Variants in RNF220 observed in about 807,000 individuals in gnomAD.
The protein encoded by RNF220 is ring finger protein 220, also known as E3 ubiquitin-protein ligase RNF220.
Under a neutral mutation model 67.1 loss-of-function variants are expected in RNF220, and 7 were observed. The observed-to-expected ratio is 0.10, with a 90% confidence interval of 0.06 to 0.20. The LOEUF is 0.20. RNF220 is among the 10% of genes least tolerant of loss of function. The probability of loss-of-function intolerance (pLI) is 1.00; values close to 1 mark genes in which losing one functional copy is unlikely to be tolerated. For synonymous variants in RNF220, 270 were observed against 283.2 expected (o/e 0.95, Z 0.47); for missense variants, 565 against 740.3 (o/e 0.76, Z 2.75).
intron 2 of RNF220, among the ~76,000 whole-genome samples, chr1:44,564,990 C>G (rs1329230283): frequency 6.6e-6 from 1 of 151,542 alleles, no homozygotes; most frequent in Non-Finnish European, 1.5e-5. Flanking sequence ...CTCTTTATCC[C>G]CTGCACATAG....
At chr1:44,589,481 A>G (rs924531766) in intron 2 of RNF220, among the ~76,000 whole-genome samples, 4 of 152,098 alleles carry the variant, frequency 2.6e-5, no homozygotes, top group East Asian at 3.9e-4. Context: ...AAGCGTGGTG[A>G]CGGGCGCCTG....
rs1251651677 is a variant in RNF220, at chr1:44,622,884, C to T, written c.804+97C>T. Reference sequence around the variant, plus strand: ...GAAAAAGGAGCTTTTCTAGTATCCTCAACTATCTCCAGCTTTTCTAATATC... The same window carrying T: ...GAAAAAGGAGCTTTTCTAGTATCCTTAACTATCTCCAGCTTTTCTAATATC... On this transcript the variant is annotated intron_variant, in intron 4 of 14. Transcript: ENST00000361799. This position sits in a 1 kb window ranked among gnomAD's most constrained non-coding sequence, Gnocchi z 4.3. 1 of 970,748 alleles carries T rather than the reference C, an allele frequency of 1.0e-6. No individual in the cohort carries two copies. The highest frequency in any genetic ancestry group is 1.7e-6 in the Non-Finnish European group (1 of 605,782). The allele number at this position is 970,748 out of a possible 1,614,324, so 60.1% of individuals were successfully genotyped here.
intron 2 of RNF220, among the ~76,000 whole-genome samples, chr1:44,487,696 TAATAATAATAATAAC>T: frequency 7.1e-6 from 1 of 140,060 alleles, no homozygotes; most frequent in South Asian, 2.4e-4. Flanking sequence ...ATAATAATAA[TAATAATAATAATAAC>T]AATAATAATA....
At chr1:44,462,164 C>T (rs969954067) in intron 2 of RNF220, among the ~76,000 whole-genome samples, 47 of 151,938 alleles carry the variant, frequency 3.1e-4, no homozygotes, top group East Asian at 9.7e-4. Flanking sequence ...CAAACTCCTG[C>T]TCAAGTGATC....
intron 8 of RNF220, among the ~76,000 whole-genome samples, chr1:44,640,397 C>T (rs977995930): frequency 1.3e-5 from 2 of 152,206 alleles, no homozygotes; most frequent in Non-Finnish European, 2.9e-5. Flanking sequence ...TTCTCTCTGT[C>T]GCCTGTTGGG....
intron 2 of RNF220, among the ~76,000 whole-genome samples, chr1:44,609,295 AG>A (rs1411003867): frequency 6.6e-6 from 1 of 152,156 alleles, no homozygotes; most frequent in African/African-American, 2.4e-5. Flanking sequence ...GTCAGACACC[AG>A]TCGATCAAGC....
intron 5 of RNF220, among the ~76,000 whole-genome samples, chr1:44,630,625 C>CTG (rs1206872419): frequency 1.6e-5 from 2 of 123,296 alleles, no homozygotes; most frequent in Non-Finnish European, 3.5e-5. Context: ...AGCAGTGGAA[C>CTG]TGAAAACTCA....
chr1:44,435,192 G>A (rs1193363974), intron 2 of RNF220, among the ~76,000 whole-genome samples: 1 of 152,164 alleles, frequency 6.6e-6, no homozygotes, highest in Non-Finnish European at 1.5e-5. Flanking sequence ...GCGACATGCT[G>A]AGCAACATGG....
intron 1 of RNF220, among the ~76,000 whole-genome samples, chr1:44,408,218 G>A (rs1557894853): frequency 2.0e-5 from 3 of 152,086 alleles, no homozygotes; most frequent in Admixed American, 6.5e-5. Flanking sequence ...GCTGAATAAT[G>A]CACCCGCTCG....
At chr1:44,575,542 TG>T (rs1664743842) in intron 2 of RNF220, among the ~76,000 whole-genome samples, 1 of 152,034 alleles carries the variant, frequency 6.6e-6, no homozygotes, top group African/African-American at 2.4e-5. Context: ...AACAGGTACA[TG>T]AAAAAATGCT....
intron 2 of RNF220, among the ~76,000 whole-genome samples, chr1:44,442,440 G>A (rs1651656501): frequency 6.6e-6 from 1 of 151,456 alleles, no homozygotes; most frequent in African/African-American, 2.4e-5. Flanking sequence ...ACCGTGCCCA[G>A]CCTGCATATT....
At position 44,649,533 on chromosome 1, in the gene RNF220, G is replaced by A. The variant is rs1239710424; in HGVS notation, c.1446-128G>A. The A allele has an allele frequency of 1.8e-5, 15 of 812,482 alleles. No homozygotes were observed. Among genetic ancestry groups the A allele is most frequent in the Non-Finnish European group, 2.9e-5 (14 of 489,924 alleles). The allele number at this position is 812,482 out of a possible 1,614,324, so 50.3% of individuals were successfully genotyped here. A position where few individuals can be genotyped will look rare whatever the true frequency, so the allele number is the denominator to read the frequency against. ...GAATTTGCAGATTCAGGTTATCAGA[G>A]AAAGGGGGCAGGCAGGGATGCCTAG... On this transcript the variant is annotated intron_variant, in intron 12 of 14. Coordinates refer to ENST00000361799, the MANE Select transcript of RNF220 (RefSeq NM_018150.4). This position sits in a 1 kb window ranked among gnomAD's most constrained non-coding sequence, Gnocchi z 5.9.
At chr1:44,423,751 A>G (rs1649461994) in intron 2 of RNF220, 1 of 786,938 alleles carries the variant, frequency 1.3e-6, no homozygotes, top group African/African-American at 1.9e-5. Flanking sequence ...TTGGCCGTTA[A>G]ACTAAGCCAC....
intron 2 of RNF220, among the ~76,000 whole-genome samples, chr1:44,584,356 A>G (rs1187740676): frequency 2.6e-5 from 4 of 152,256 alleles, no homozygotes; most frequent in African/African-American, 4.8e-5. Context: ...AGCGTGGTTC[A>G]TTCCTCTTTT....
chr1:44,489,163 G>A (rs1656623874), intron 2 of RNF220, among the ~76,000 whole-genome samples: 1 of 152,148 alleles, frequency 6.6e-6, no homozygotes, highest in African/African-American at 2.4e-5. Context: ...GTATTCTGGA[G>A]GAAAAGGAAC....
chr1:44,582,895 A>G (rs1427068967), intron 2 of RNF220, among the ~76,000 whole-genome samples: 1 of 152,118 alleles, frequency 6.6e-6, no homozygotes, highest in Non-Finnish European at 1.5e-5. Context: ...AATCCCAGCT[A>G]TTCAGGAGGC....
intron 2 of RNF220, among the ~76,000 whole-genome samples, chr1:44,608,257 G>A (rs1383353122): frequency 6.6e-6 from 1 of 152,030 alleles, no homozygotes; most frequent in Non-Finnish European, 1.5e-5. Flanking sequence ...ACCACTCTGG[G>A]GACAATCGTT....
chr1:44,459,633 G>A (rs2147954415), intron 2 of RNF220, among the ~76,000 whole-genome samples: 1 of 152,256 alleles, frequency 6.6e-6, no homozygotes, highest in South Asian at 2.1e-4. Flanking sequence ...GGACCACATG[G>A]CCAAAGAAAG....
At chr1:44,426,110 A>G (rs1557913325) in intron 2 of RNF220, among the ~76,000 whole-genome samples, 1 of 152,102 alleles carries the variant, frequency 6.6e-6, no homozygotes, top group Non-Finnish European at 1.5e-5. Flanking sequence ...AAAGAAGTTT[A>G]CCCTTTGCCT....
Sources: allele counts gnomAD v4.1 joint callset (sites outside exome capture counted in the v4.1 genomes callset), GRCh38; gene constraint gnomAD v4.1.1; non-coding constraint Gnocchi (gnomAD v3.1); transcripts MANE v1.5; gene names NCBI Gene and HGNC (gene_info 2026-07-23, HGNC 2026-07-21).